CPD: variants seen among roughly 807,000 people sequenced by gnomAD.
CPD encodes the protein metallocarboxypeptidase D.
A neutral mutation model predicts 138.3 loss-of-function variants in CPD; 69 were observed. The ratio of observed to expected loss-of-function variants is 0.50; its 90% CI spans 0.41 to 0.61. The LOEUF is 0.61. Among genes scored for constraint, CPD ranks in the 20% least tolerant of loss-of-function variants. The pLI, the probability that CPD is intolerant of heterozygous loss-of-function variation, is 0.00. For synonymous variants in CPD, 651 were observed against 642.1 expected (o/e 1.01, Z -0.21); for missense variants, 1,432 against 1,733.3 (o/e 0.83, Z 3.09).
chr17:30,405,635 G>A (rs1001248133), intron 2 of CPD, among the ~76,000 whole-genome samples: 1 of 151,888 alleles, frequency 6.6e-6, no homozygotes, highest in Non-Finnish European at 1.5e-5. Context: ...ATGTTGTTCC[G>A]TTGGTCTCTT....
intron 6 of CPD, among the ~76,000 whole-genome samples, chr17:30,424,865 T>C (rs182481072): frequency 2.6e-5 from 4 of 152,322 alleles, no homozygotes; most frequent in African/African-American, 9.6e-5. Context: ...TCATGACTTA[T>C]TACTAGCACT....
intron 17 of CPD, among the ~76,000 whole-genome samples, chr17:30,460,278 T>C (rs1913434633): frequency 1.3e-5 from 2 of 152,244 alleles, no homozygotes; most frequent in South Asian, 4.1e-4. Context: ...AGAGTGCTTG[T>C]TGCTTTGAAT....
intron 20 of CPD, among the ~76,000 whole-genome samples, chr17:30,463,009 G>A (rs1234557298): frequency 6.6e-6 from 1 of 152,152 alleles, no homozygotes; most frequent in Non-Finnish European, 1.5e-5. Context: ...CCCTGGGCGG[G>A]CCAGGTGTTC....
At chr17:30,457,708 G>A (rs1293755683) in intron 17 of CPD, among the ~76,000 whole-genome samples, 2 of 151,576 alleles carry the variant, frequency 1.3e-5, no homozygotes, top group African/African-American at 4.9e-5. Context: ...TGCTCAGGCT[G>A]GAGTGCAGTG....
intron 2 of CPD, among the ~76,000 whole-genome samples, chr17:30,390,317 A>T (rs1366641586): frequency 6.6e-6 from 1 of 152,190 alleles, no homozygotes; most frequent in Non-Finnish European, 1.5e-5. Flanking sequence ...TGCTCAGCCG[A>T]GTAATTTTAC....
intron 2 of CPD, among the ~76,000 whole-genome samples, chr17:30,411,921 CT>C (rs1410084789): frequency 6.6e-6 from 1 of 152,186 alleles, no homozygotes; most frequent in East Asian, 1.9e-4. Flanking sequence ...AGCTGCGATC[CT>C]TTTCAGGAGA....
chr17:30,448,692 A>G (rs1913089268), intron 12 of CPD, among the ~76,000 whole-genome samples: 1 of 152,202 alleles, frequency 6.6e-6, no homozygotes, highest in South Asian at 2.1e-4. Context: ...GTATTTGACC[A>G]TTGTTTAATT....
At chr17:30,433,927 T>C (rs916480924) in intron 8 of CPD, among the ~76,000 whole-genome samples, 1 of 152,210 alleles carries the variant, frequency 6.6e-6, no homozygotes, top group Non-Finnish European at 1.5e-5. Context: ...TCCTCGAATC[T>C]TGTGTCTTCA....
At chr17:30,462,766 C>T (rs182830868) in intron 20 of CPD, among the ~76,000 whole-genome samples, 21 of 152,252 alleles carry the variant, frequency 1.4e-4, no homozygotes, top group Admixed American at 1.0e-3. Flanking sequence ...TAGCCTTCAG[C>T]GCTGAGAACC....
Position 30,422,862 on chromosome 17 carries a change from A to G in CPD, c.1496A>G (p.Lys499Arg), listed in dbSNP as rs61743601. 5.3e-3 allele frequency: 8,546 copies of G among 1,614,076 alleles called. 369 individuals are homozygous for G. In the African/African-American group the frequency reaches 0.1, roughly 19 times the overall value. Residue 499 changes from lysine to arginine, a missense_variant, in exon 5 of 21, where the codon AAG (lysine) becomes AGG (arginine). Around this residue, in one of 6 missense-constraint regions of CPD, gnomAD observed 160 missense variants for 197.9 expected, o/e 0.81. Transcript: ENST00000225719. ...TSSSYQPIQP[K>R]DFHHHHFPDM... is the part of the protein sequence containing the mutation. ...TCCTCCTACCAGCCAATTCAGCCAAAGGACTTTCACCACCACCATTTCCCT... is the reference window on the plus strand; with the variant it reads ...TCCTCCTACCAGCCAATTCAGCCAAGGGACTTTCACCACCACCATTTCCCT...
At chr17:30,444,578 G>T (rs558745781) in intron 11 of CPD, among the ~76,000 whole-genome samples, 2 of 140,274 alleles carry the variant, frequency 1.4e-5, no homozygotes, top group South Asian at 2.2e-4. Context: ...AGGCTGGAGT[G>T]CATGGCACTA....
rs746129532 is a variant in CPD at position 30,449,566 on chromosome 17, A to G, written c.2887A>G (p.Thr963Ala). 5 of 1,597,782 alleles carry G rather than the reference A, an allele frequency of 3.1e-6. No homozygotes were observed. In the South Asian group the frequency reaches 5.7e-5, roughly 18 times the overall value. Residue 963 changes from threonine to alanine, a missense_variant, in exon 13 of 21, where the codon ACT becomes GCT. Thr to Ala is a moderately conservative substitution (Grantham distance 58). This residue lies in a region of CPD where 366 missense variants were observed against 518.8 expected (regional missense o/e 0.71). Transcript: ENST00000225719. ...GGTTTTTGAAAGTTTGGGACAGAGC[A>G]CTGAATATCGTCACATTTGGTCCCT... ...ITNLTNLGQS[T>A]EYRHIWSLEI...
At chr17:30,433,912 C>T (rs1912632169) in intron 8 of CPD, among the ~76,000 whole-genome samples, 1 of 152,174 alleles carries the variant, frequency 6.6e-6, no homozygotes. Flanking sequence ...CCACTGCATT[C>T]TGCCTCCTCG....
chr17:30,410,308 T>C (rs1218704715), intron 2 of CPD, among the ~76,000 whole-genome samples: 3 of 152,246 alleles, frequency 2.0e-5, no homozygotes, highest in Non-Finnish European at 4.4e-5. Flanking sequence ...AAGTGTGATA[T>C]GATGCTGAGA....
chr17:30,403,887 A>G (rs978473867), intron 2 of CPD, among the ~76,000 whole-genome samples: 9 of 152,338 alleles, frequency 5.9e-5, no homozygotes, highest in African/African-American at 2.2e-4. Flanking sequence ...CATGATGAAC[A>G]GATAAGCAAA....
At chr17:30,397,945 A>G (rs1477213844) in intron 2 of CPD, among the ~76,000 whole-genome samples, 1 of 151,188 alleles carries the variant, frequency 6.6e-6, no homozygotes, top group Admixed American at 6.6e-5. Context: ...TAAGAGGCCA[A>G]GGTGGGAGGA....
Position 30,468,247 on chromosome 17 carries a change from A to G in CPD, c.*3433A>G, listed in dbSNP as rs945562796. The G allele has an allele frequency of 1.3e-5, 2 of 152,622 alleles. No homozygotes were observed. The highest frequency in any genetic ancestry group is 4.8e-5 in the African/African-American group (2 of 41,450). 9.5% of individuals were successfully genotyped at this position (152,622 alleles called of 1,614,324 possible). ...TGAAAGTAGGTTACCATTTTGAGGCAGTTGGATATAAATTATGTAAATATG... is the reference window on the plus strand; with the variant it reads ...TGAAAGTAGGTTACCATTTTGAGGCGGTTGGATATAAATTATGTAAATATG... On this transcript the variant is annotated 3_prime_UTR_variant, in exon 21 of 21. Transcript: ENST00000225719.
In CPD at chr17:30,385,249, T is replaced by C. The variant is rs1372735129; in HGVS notation, c.994+13T>C. On this transcript the variant is annotated intron_variant, in intron 2 of 20. Coordinates refer to ENST00000225719, the MANE Select transcript of CPD (RefSeq NM_001304.5). ...TATGATGTGGAAGGTATGCAAAGCATTGAGTTTGCTACATTTTCCCCCTTG... is the reference window on the plus strand; with the variant it reads ...TATGATGTGGAAGGTATGCAAAGCACTGAGTTTGCTACATTTTCCCCCTTG... 1.9e-6 allele frequency: 3 copies of C among 1,612,278 alleles called. No individual in the cohort carries two copies. The highest frequency in any genetic ancestry group is 2.5e-6 in the Non-Finnish European group (3 of 1,178,738).
chr17:30,388,055 A>G (rs1597705173), intron 2 of CPD, among the ~76,000 whole-genome samples: 1 of 152,328 alleles, frequency 6.6e-6, no homozygotes, highest in East Asian at 1.9e-4. Flanking sequence ...CAGGCAGGTC[A>G]TCCTGATGAG....
Sources: allele counts gnomAD v4.1 joint callset (sites outside exome capture counted in the v4.1 genomes callset), GRCh38; gene constraint gnomAD v4.1.1; regional missense constraint gnomAD v4.1.1; transcripts MANE v1.5; gene names NCBI Gene and HGNC (gene_info 2026-07-23, HGNC 2026-07-21).